The following SHANK2 variants were observed in gnomAD, a reference collection of about 807,000 sequenced individuals.
The protein encoded by SHANK2 is SH3 and multiple ankyrin repeat domains 2.
In SHANK2, 43 loss-of-function variants were observed where a neutral mutation model predicts 133.7. The observed-to-expected ratio is 0.32, with a 90% CI of 0.25 to 0.41. The LOEUF (loss-of-function observed/expected upper bound fraction) is 0.41. SHANK2 is among the 10% of genes least tolerant of loss of function. The pLI is 1.00. For synonymous variants in SHANK2, 1,017 were observed against 952.8 expected (o/e 1.07, Z -1.24); for missense variants, 1,994 against 2,235.8 (o/e 0.89, Z 2.18).
At chr11:70,811,637 TCATCCATC>T (rs140137476) in intron 12 of SHANK2, among the ~76,000 whole-genome samples, 2 of 147,642 alleles carry the variant, frequency 1.4e-5, no homozygotes, top group East Asian at 2.1e-4. Flanking sequence ...ATCCATCCAC[TCATCCATC>T]CATCCATCCA....
chr11:70,507,752 C>T (rs1379321523), intron 17 of SHANK2, among the ~76,000 whole-genome samples: 1 of 152,214 alleles, frequency 6.6e-6, no homozygotes, highest in Non-Finnish European at 1.5e-5. Context: ...CCGAATCTTG[C>T]ACTTAATATA....
chr11:70,797,211 G>A lies in SHANK2; in HGVS notation c.1777+1232C>T, dbSNP rs1379895399. Among the ~76,000 whole-genome samples, 5 of 152,316 alleles carry A rather than the reference G, an allele frequency of 3.3e-5. No homozygotes were observed. The East Asian group carries it at 9.7e-4, about 29-fold the overall frequency. On this transcript the variant is annotated intron_variant, in intron 14 of 25. Coordinates refer to ENST00000601538, the MANE Select transcript of SHANK2 (RefSeq NM_012309.5). ...GATACTGGCTGTGTAGCACACAACA[G>A]AGAAAGACCCCATTCTTGGGAAGAC...
intron 11 of SHANK2, among the ~76,000 whole-genome samples, chr11:70,847,515 T>C (rs1317068739): frequency 6.6e-6 from 1 of 151,412 alleles, no homozygotes; most frequent in African/African-American, 2.4e-5. Context: ...CCAGGGAGGG[T>C]GCTGCCCCCC....
At chr11:71,080,337 C>T (rs899787878) in intron 8 of SHANK2, among the ~76,000 whole-genome samples, 4 of 152,184 alleles carry the variant, frequency 2.6e-5, no homozygotes, top group Admixed American at 6.5e-5. Context: ...GCGTCCCACC[C>T]GCCCTGTGCA....
intron 15 of SHANK2, among the ~76,000 whole-genome samples, chr11:70,662,933 C>G (rs1944598183): frequency 6.6e-6 from 1 of 152,120 alleles, no homozygotes; most frequent in Non-Finnish European, 1.5e-5. Flanking sequence ...CACCCCCCCG[C>G]CCCGTAGGAC....
At chr11:70,921,219 A>T (rs1555080625) in intron 10 of SHANK2, among the ~76,000 whole-genome samples, 1 of 152,256 alleles carries the variant, frequency 6.6e-6, no homozygotes, top group Non-Finnish European at 1.5e-5. Context: ...CAGTAAACAT[A>T]TCTTTCAAAG....
At chr11:71,228,475 A>G (rs758185927) in intron 1 of SHANK2, among the ~76,000 whole-genome samples, 8 of 152,202 alleles carry the variant, frequency 5.3e-5, no homozygotes, top group Non-Finnish European at 1.0e-4. Context: ...AGAAGATTAC[A>G]GGCTGGGTAT....
intron 17 of SHANK2, among the ~76,000 whole-genome samples, chr11:70,598,306 G>T (rs1165556588): frequency 6.6e-6 from 1 of 152,196 alleles, no homozygotes; most frequent in East Asian, 1.9e-4. Flanking sequence ...TGGAAATGGA[G>T]GCTTGGCAGG....
At chr11:71,100,150 C>T (rs1951695130) in intron 6 of SHANK2, among the ~76,000 whole-genome samples, 1 of 151,994 alleles carries the variant, frequency 6.6e-6, no homozygotes, top group African/African-American at 2.4e-5. Context: ...AACAGGAACT[C>T]TCATCATTGC....
chr11:70,526,494 T>C (rs2059398686), intron 17 of SHANK2, among the ~76,000 whole-genome samples: 2 of 152,188 alleles, frequency 1.3e-5, no homozygotes, highest in African/African-American at 4.8e-5. Flanking sequence ...GAGGTGAACA[T>C]GGGAGGCGTG....
At chr11:70,556,976 G>A (rs1229218717) in intron 17 of SHANK2, among the ~76,000 whole-genome samples, 1 of 152,044 alleles carries the variant, frequency 6.6e-6, no homozygotes, top group Non-Finnish European at 1.5e-5. Context: ...TCCTGCCCTT[G>A]GCCTCCCAAG....
chr11:70,494,329 T>C (rs1026592405), intron 21 of SHANK2, among the ~76,000 whole-genome samples: 1 of 152,184 alleles, frequency 6.6e-6, no homozygotes, highest in Non-Finnish European at 1.5e-5. Context: ...TTTCTTTTCT[T>C]TAAGATGGAC....
chr11:71,238,861 GAC>G (rs1291761949), intron 1 of SHANK2, among the ~76,000 whole-genome samples: 3 of 152,212 alleles, frequency 2.0e-5, no homozygotes, highest in African/African-American at 7.2e-5. Context: ...GAGCTGTCCA[GAC>G]ACACAGTCAC....
chr11:70,630,506 T>G (rs1312492177), intron 17 of SHANK2, among the ~76,000 whole-genome samples: 3 of 152,170 alleles, frequency 2.0e-5, no homozygotes, highest in Non-Finnish European at 4.4e-5. Flanking sequence ...ATGTAGAACC[T>G]CAGAGTGTGA....
At chr11:70,901,304 T>C (rs576885166) in intron 10 of SHANK2, among the ~76,000 whole-genome samples, 18 of 152,214 alleles carry the variant, frequency 1.2e-4, no homozygotes, top group South Asian at 4.1e-4. Context: ...CAAACACCTT[T>C]GTAAAAAATA....
chr11:70,835,731 T>C (rs1555059888), intron 11 of SHANK2, among the ~76,000 whole-genome samples: 1 of 152,196 alleles, frequency 6.6e-6, no homozygotes, highest in Non-Finnish European at 1.5e-5. Flanking sequence ...GTGGAAGATG[T>C]GAGTCCTGGG....
chr11:70,499,905 A>T (rs1313990072), intron 21 of SHANK2, among the ~76,000 whole-genome samples: 4 of 152,200 alleles, frequency 2.6e-5, no homozygotes, highest in Non-Finnish European at 5.9e-5. Flanking sequence ...ACTCCAAGGG[A>T]TTAATTAAAA....
intron 1 of SHANK2, 134 bp from the exon 2 acceptor site, chr11:71,224,930 TAG>T (rs1179381140): frequency 6.6e-6 from 1 of 152,044 alleles, no homozygotes; most frequent in East Asian, 1.9e-4. Context: ...GCAATTGGAG[TAG>T]ACACATTTTT....
At chr11:71,071,870 C>A (rs1951147557) in intron 9 of SHANK2, among the ~76,000 whole-genome samples, 3 of 152,092 alleles carry the variant, frequency 2.0e-5, no homozygotes, top group East Asian at 1.9e-4. Context: ...AGAATGCTGA[C>A]AGCCTGCAGA....
Sources: allele counts gnomAD v4.1 joint callset (sites outside exome capture counted in the v4.1 genomes callset), GRCh38; gene constraint gnomAD v4.1.1; transcripts MANE v1.5; gene names NCBI Gene and HGNC (gene_info 2026-07-23, HGNC 2026-07-21).